ADGRL2: variants seen among roughly 807,000 people sequenced by gnomAD.
The protein encoded by ADGRL2 is calcium-independent alpha-latrotoxin receptor 2.
Under a neutral mutation model 157.4 loss-of-function variants are expected in ADGRL2, and 44 were observed. The observed-to-expected ratio is 0.28, with a 90% CI of 0.22 to 0.36. The LOEUF is 0.36. ADGRL2 is among the 10% of genes least tolerant of loss of function. The probability of loss-of-function intolerance (pLI) is 1.00; values close to 1 mark genes in which losing one functional copy is unlikely to be tolerated. For synonymous variants in ADGRL2, 585 were observed against 624.7 expected (o/e 0.94, Z 0.95); for missense variants, 1,510 against 1,768.9 (o/e 0.85, Z 2.63).
At chr1:81,457,822 T>C (rs2077838020) in intron 2 of ADGRL2, among the ~76,000 whole-genome samples, 1 of 152,204 alleles carries the variant, frequency 6.6e-6, no homozygotes, top group South Asian at 2.1e-4. Flanking sequence ...CATTTCATAA[T>C]AGGAGCCATA....
intron 1 of ADGRL2, among the ~76,000 whole-genome samples, chr1:81,394,961 C>T (rs913938125): frequency 2.0e-5 from 3 of 151,822 alleles, no homozygotes; most frequent in African/African-American, 7.3e-5. Flanking sequence ...TGCAGTGTCA[C>T]GATCTCAGCT....
chr1:81,805,214 C>A (rs556449145), intron 1 of ADGRL2, among the ~76,000 whole-genome samples: 1 of 151,786 alleles, frequency 6.6e-6, no homozygotes, highest in Non-Finnish European at 1.5e-5. Flanking sequence ...ATTCAATATC[C>A]ATGAATGAAA....
At chr1:81,799,001 T>G (rs1425385056), upstream of ADGRL2, among the ~76,000 whole-genome samples, 1 of 152,154 alleles carries the variant, frequency 6.6e-6, no homozygotes, top group East Asian at 1.9e-4. Flanking sequence ...TTACTATCAG[T>G]TTGACTTATT....
intron 2 of ADGRL2, among the ~76,000 whole-genome samples, chr1:81,570,916 C>T (rs2080673860): frequency 6.6e-6 from 1 of 152,088 alleles, no homozygotes; most frequent in African/African-American, 2.4e-5. Flanking sequence ...AGCTGCACAC[C>T]AGAGAATCCC....
chr1:81,955,837 A>G, intron 10 of ADGRL2, 40 bp from the exon 11 acceptor site: 1 of 1,390,092 alleles, frequency 7.2e-7, no homozygotes, highest in South Asian at 1.4e-5. Flanking sequence ...TTTGGTTCTA[A>G]AAGCGGTCAA....
At chr1:81,635,477 T>G (rs1371858356) in intron 3 of ADGRL2, among the ~76,000 whole-genome samples, 1 of 152,186 alleles carries the variant, frequency 6.6e-6, no homozygotes, top group African/African-American at 2.4e-5. Flanking sequence ...CAGAAACTAG[T>G]AAGCTTATAA....
chr1:81,702,216 G>C lies in ADGRL2; in HGVS notation c.-143+2408G>C, dbSNP rs967555981. Among the ~76,000 whole-genome samples, 3 of 152,168 alleles carry C rather than the reference G, an allele frequency of 2.0e-5. No homozygotes were observed. The South Asian group carries it at 6.2e-4, about 32-fold the overall frequency. ...GAAAAAGGGTGAACACAACATGTAG[G>C]TGGATATGGGGCACTTTACACCATT... On this transcript the variant is annotated intron_variant, in intron 1 of 20. Transcript: ENST00000359929.
At chr1:81,976,581 T>C (rs1306142613) in intron 17 of ADGRL2, among the ~76,000 whole-genome samples, 3 of 152,038 alleles carry the variant, frequency 2.0e-5, no homozygotes, top group East Asian at 3.8e-4. Context: ...AAACATTCCA[T>C]TTTAAGTATG....
At chr1:81,856,063 T>C in intron 2 of ADGRL2, among the ~76,000 whole-genome samples, 1 of 152,104 alleles carries the variant, frequency 6.6e-6, no homozygotes, top group East Asian at 1.9e-4. Context: ...CAGCTGGTCC[T>C]TGTGGAGTTT....
chr1:81,910,383 G>A (rs1188225950), intron 3 of ADGRL2, among the ~76,000 whole-genome samples: 1 of 151,604 alleles, frequency 6.6e-6, no homozygotes, highest in Non-Finnish European at 1.5e-5. Context: ...CTACTTTATT[G>A]AATTTGAGCA....
intron 1 of ADGRL2, among the ~76,000 whole-genome samples, chr1:81,803,973 C>G (rs1557673606): frequency 6.6e-6 from 1 of 152,122 alleles, no homozygotes; most frequent in East Asian, 1.9e-4. Context: ...GTTAGGTTGT[C>G]TCTTGCTAAG....
At chr1:81,339,336 T>C (rs1340025852) in intron 1 of ADGRL2, among the ~76,000 whole-genome samples, 1 of 152,206 alleles carries the variant, frequency 6.6e-6, no homozygotes, top group Non-Finnish European at 1.5e-5. Context: ...TGATTCCCAA[T>C]GCCTTGCTCT....
Position 81,990,906 on chromosome 1 carries a change from T to A in ADGRL2, c.4171T>A (p.Ser1391Thr). The change falls in exon 24 of 24, where the codon TCT becomes ACT. Residue 1391 changes from serine to threonine, a missense_variant. Ser to Thr is a moderately conservative substitution (Grantham distance 58, BLOSUM62 1). This residue lies in a region of ADGRL2 where 327 missense variants were observed against 310.1 expected (regional missense o/e 1.05). Coordinates refer to ENST00000686636, the MANE Select transcript of ADGRL2 (RefSeq NM_001366006.2). Reference protein sequence around the residue: ...LYTSMPNLRDSPYPESSPDME... With the variant: ...LYTSMPNLRDTPYPESSPDME... ...TACAAGCATGCCCAATCTTAGAGAC[T>A]CTCCCTATCCGGAGAGCAGCCCTGA... The A allele has an allele frequency of 6.2e-7, 1 of 1,613,754 alleles. No homozygotes were observed. The highest frequency in any genetic ancestry group is 2.2e-5 in the East Asian group (1 of 44,810).
In ADGRL2 at chr1:81,661,785, A is replaced by G. The variant is rs181401822; in HGVS notation, c.-143+80805A>G. On this transcript the variant is annotated intron_variant, in intron 3 of 24. Transcript: ENST00000370721. ...AAGCACCAAGTTTTGACAATAAATC[A>G]TAGGGTCACCATATGATTATGGTAT... is the stretch of plus-strand genomic sequence containing the variant. 4.7e-4 allele frequency among the ~76,000 whole-genome samples: 72 copies of G among 152,296 alleles called. 1 individual carries two copies. Among genetic ancestry groups the G allele is most frequent in the African/African-American group, 1.6e-3 (68 of 41,556 alleles).
intron 1 of ADGRL2, among the ~76,000 whole-genome samples, chr1:81,358,925 G>C (rs972145132): frequency 3.3e-5 from 5 of 152,038 alleles, no homozygotes; most frequent in Non-Finnish European, 7.4e-5. Flanking sequence ...GAAGTGGTTT[G>C]AGCTAAAATA....
chr1:81,784,961 T>C (rs959046924), intron 2 of ADGRL2, among the ~76,000 whole-genome samples: 5 of 152,174 alleles, frequency 3.3e-5, no homozygotes, highest in South Asian at 2.1e-4. Flanking sequence ...GACAAAATTT[T>C]TGTAAGCTAA....
At chr1:81,455,575 A>G (rs1422962970) in intron 2 of ADGRL2, among the ~76,000 whole-genome samples, 1 of 152,204 alleles carries the variant, frequency 6.6e-6, no homozygotes, top group Non-Finnish European at 1.5e-5. Context: ...TTAGAAGACC[A>G]TAAAGGAAGA....
intron 3 of ADGRL2, among the ~76,000 whole-genome samples, chr1:81,659,278 T>A (rs2082604005): frequency 6.6e-6 from 1 of 152,022 alleles, no homozygotes. Flanking sequence ...GCCAAGCTGG[T>A]CTTGAAATCC....
intron 1 of ADGRL2, among the ~76,000 whole-genome samples, chr1:81,376,668 A>C (rs1020724387): frequency 5.4e-5 from 8 of 149,498 alleles, no homozygotes; most frequent in Non-Finnish European, 8.9e-5. Flanking sequence ...TCGCTTGTCA[A>C]TTATCCACCC....
Sources: gnomAD v4.1 joint callset for allele counts (sites outside exome capture counted in the v4.1 genomes callset) on GRCh38, gnomAD v4.1.1 for gene constraint, gnomAD v4.1.1 regional missense constraint, MANE v1.5 for transcripts, NCBI Gene and HGNC (gene_info 2026-07-23, HGNC 2026-07-21) for gene names.